The following FREM2 variants were observed in gnomAD, a reference collection of about 807,000 sequenced individuals.
FREM2 encodes the protein FRAS1 related extracellular matrix 2.
FREM2 carries 119 observed loss-of-function variants against 219.9 expected under a neutral mutation model. The observed-to-expected ratio is 0.54, with a 90% confidence interval of 0.47 to 0.63. FREM2 has a LOEUF of 0.63. FREM2 is among the 30% of genes least tolerant of loss of function. FREM2 has a pLI of 0.00. For missense variants in FREM2, 4,030 were observed against 3,993.6 expected, an observed-to-expected ratio of 1.01 and a Z score of -0.25; for synonymous variants, 1,562 against 1,522.8, an observed-to-expected ratio of 1.03 and a Z score of -0.60.
At chr13:38,813,919 A>C (rs1875644111) in intron 6 of FREM2, among the ~76,000 whole-genome samples, 1 of 151,472 alleles carries the variant, frequency 6.6e-6, no homozygotes, top group Non-Finnish European at 1.5e-5. Context: ...GTGTATTTTC[A>C]AGTTGCCTAT....
chr13:38,856,624 T>C (rs949790771), intron 12 of FREM2, among the ~76,000 whole-genome samples: 1 of 151,866 alleles, frequency 6.6e-6, no homozygotes, highest in Non-Finnish European at 1.5e-5. Flanking sequence ...GTGCCACAAC[T>C]CATAAAACAT....
Position 38,690,605 on chromosome 13 carries a change from A to G in FREM2, c.3261A>G (p.Ser1087=), listed in dbSNP as rs756734660. 3.7e-6 allele frequency: 6 copies of G among 1,614,020 alleles called. No homozygotes were observed. The Admixed American group carries it at 1.0e-4, about 27-fold the overall frequency. The change falls in exon 1 of 24, where the codon TCA becomes TCG. Residue 1087 remains serine, a synonymous_variant. Transcript: ENST00000280481. Reference sequence around the variant, plus strand: ...AAGGTGATAAAAGTGTTATAACATCAGTGCATATAAGTGCTGAAGATGTCG... The same window carrying G: ...AAGGTGATAAAAGTGTTATAACATCGGTGCATATAAGTGCTGAAGATGTCG... ...VMEGDKSVIT[S]VHISAEDVDS...
chr13:38,866,667 CA>C (rs34237877), intron 16 of FREM2, among the ~76,000 whole-genome samples: 8,484 of 115,946 alleles, frequency 0.073, 288 homozygotes, highest in African/African-American at 0.12. Flanking sequence ...AACTCCATCT[CA>C]AAAAAAAAAA....
chr13:38,817,029 C>T (rs1875794378), intron 6 of FREM2, among the ~76,000 whole-genome samples: 1 of 151,934 alleles, frequency 6.6e-6, no homozygotes, highest in East Asian at 1.9e-4. Context: ...AATCTTTATA[C>T]TGAGGCTATA....
chr13:38,782,154 T>C (rs1233920363), intron 4 of FREM2, among the ~76,000 whole-genome samples: 2 of 152,218 alleles, frequency 1.3e-5, no homozygotes, highest in East Asian at 1.9e-4. Flanking sequence ...AGCAGTCTTT[T>C]ATAATTTTTA....
intron 2 of FREM2, among the ~76,000 whole-genome samples, chr13:38,723,222 A>G (rs1457819922): frequency 6.6e-6 from 1 of 152,046 alleles, no homozygotes; most frequent in African/African-American, 2.4e-5. Flanking sequence ...GCAACAGAGC[A>G]TGCGCCATCT....
intron 2 of FREM2, among the ~76,000 whole-genome samples, chr13:38,726,155 T>C (rs1038197187): frequency 6.6e-6 from 1 of 152,118 alleles, no homozygotes; most frequent in African/African-American, 2.4e-5. Context: ...CAGTAACTTT[T>C]ATTGTGGTTT....
rs1878622236 is a variant in FREM2, at chr13:38,883,475, G to A, written c.*2688G>A. On this transcript the variant is annotated 3_prime_UTR_variant, in exon 24 of 24. Coordinates refer to ENST00000280481, the MANE Select transcript of FREM2 (RefSeq NM_207361.6). The stretch of plus-strand genomic sequence containing the variant: ...TTCTGACTCCAATCAAGGTCTTGTT[G>A]ATATTATATAGTAAAAATAAAACCA... 1 of 152,086 alleles carries A rather than the reference G, an allele frequency of 6.6e-6. No homozygotes were observed. Among genetic ancestry groups the A allele is most frequent in the African/African-American group, 2.4e-5 (1 of 41,396 alleles). 9.4% of individuals were successfully genotyped at this position (152,086 alleles called of 1,614,324 possible). A position where few individuals can be genotyped will look rare whatever the true frequency, so the allele number is the denominator to read the frequency against.
At position 38,687,123 on chromosome 13, in the gene FREM2, G is replaced by A. The variant is rs1347145569; in HGVS notation, c.-222G>A. The A allele has an allele frequency of 1.7e-6, 1 of 602,526 alleles. No individual in the cohort carries two copies. The highest frequency in any genetic ancestry group is 4.4e-4 in the Middle Eastern group (1 of 2,264). The allele number at this position is 602,526 out of a possible 1,614,324, so 37.3% of individuals were successfully genotyped here. ...TCCGCGCGATTGAGGCGCTAGCGGC[G>A]GAGCTGGACGGCCTGGGAAGGCTTC... On this transcript the variant is annotated 5_prime_UTR_variant, in exon 1 of 24. Coordinates refer to ENST00000280481, the MANE Select transcript of FREM2 (RefSeq NM_207361.6).
intron 5 of FREM2, 52 bp downstream of exon 5, chr13:38,783,247 C>G (rs144886000): frequency 6.3e-7 from 1 of 1,597,734 alleles, no homozygotes; most frequent in East Asian, 2.2e-5. Flanking sequence ...TATAAATAAG[C>G]CTTTTTAACA....
At chr13:38,751,341 T>C (rs980975349) in intron 2 of FREM2, among the ~76,000 whole-genome samples, 31 of 152,270 alleles carry the variant, frequency 2.0e-4, no homozygotes, top group African/African-American at 6.5e-4. Context: ...TAAAGCGTGG[T>C]GCAAATTATG....
chr13:38,796,480 G>GATGGCAAT (rs1874788668), intron 6 of FREM2, among the ~76,000 whole-genome samples: 1 of 152,030 alleles, frequency 6.6e-6, no homozygotes, highest in African/African-American at 2.4e-5. Context: ...CAAAACAGAG[G>GATGGCAAT]ATGGCAATTC....
intron 2 of FREM2, among the ~76,000 whole-genome samples, chr13:38,718,930 T>C (rs888827589): frequency 2.6e-5 from 4 of 152,268 alleles, no homozygotes; most frequent in Admixed American, 6.5e-5. Context: ...TAGGAAGAAA[T>C]TGAGTCTCAA....
chr13:38,691,783 C>A lies in FREM2; in HGVS notation c.4439C>A (p.Thr1480Lys). The change falls in exon 1 of 24, where the codon ACG becomes AAG. Residue 1480 changes from threonine to lysine, a missense_variant. Physicochemically the swap from Thr to Lys is moderately conservative, Grantham distance 78. Around this residue, in one of 2 missense-constraint regions of FREM2, gnomAD observed 3,102 missense variants for 2,950.7 expected, o/e 1.05. Transcript: ENST00000280481. The stretch of plus-strand genomic sequence containing the variant: ...ACGGATCAGCCTGGTGTGTCCATCA[C>A]GTCTTTCACTCAGCTGCAACTGGCT... ...ECTDQPGVSI[T>K]SFTQLQLAGN... 6.2e-7 allele frequency: 1 copy of A among 1,614,190 alleles called. No individual in the cohort carries two copies. The highest frequency in any genetic ancestry group is 1.1e-5 in the South Asian group (1 of 91,082).
chr13:38,829,766 CAATA>C (rs1876435578), intron 6 of FREM2, among the ~76,000 whole-genome samples: 2 of 150,126 alleles, frequency 1.3e-5, no homozygotes, highest in African/African-American at 4.9e-5. Flanking sequence ...TTCAAATAAA[CAATA>C]GATAGTGTCT....
chr13:38,766,116 G>A (rs1304307550), intron 3 of FREM2, among the ~76,000 whole-genome samples: 1 of 152,172 alleles, frequency 6.6e-6, no homozygotes, highest in Non-Finnish European at 1.5e-5. Context: ...CACTCCTGGT[G>A]AGTTTATTTA....
At chr13:38,749,715 A>G (rs1443662165) in intron 2 of FREM2, among the ~76,000 whole-genome samples, 1 of 152,020 alleles carries the variant, frequency 6.6e-6, no homozygotes, top group African/African-American at 2.4e-5. Context: ...AGCCAAAACT[A>G]TCTCCAGACA....
At chr13:38,717,926 G>C (rs993882695) in intron 2 of FREM2, among the ~76,000 whole-genome samples, 2 of 152,162 alleles carry the variant, frequency 1.3e-5, no homozygotes, top group Non-Finnish European at 2.9e-5. Flanking sequence ...GTTTTCACCA[G>C]TGAAGTTTAT....
At chr13:38,878,745 T>C in intron 22 of FREM2, 86 bp from the exon 23 acceptor site, 1 of 1,309,384 alleles carries the variant, frequency 7.6e-7, no homozygotes, top group Non-Finnish European at 1.1e-6. Flanking sequence ...AATTTGTACT[T>C]GCACAAAACA....
Sources: allele counts gnomAD v4.1 joint callset (sites outside exome capture counted in the v4.1 genomes callset), GRCh38; gene constraint gnomAD v4.1.1; regional missense constraint gnomAD v4.1.1; transcripts MANE v1.5; gene names NCBI Gene and HGNC (gene_info 2026-07-23, HGNC 2026-07-21).